MMP26: variants seen among roughly 807,000 people sequenced by gnomAD.
MMP26 encodes matrix metalloproteinase-26.
In MMP26, 33 loss-of-function variants were observed where a neutral mutation model predicts 31.0. That is an observed-to-expected ratio of 1.06 (90% confidence interval 0.81 to 1.42). MMP26 has a LOEUF of 1.42. Among genes scored for constraint, MMP26 ranks in the 40% most tolerant of loss-of-function variants. MMP26 has a pLI of 0.00. For synonymous variants in MMP26, 122 were observed against 114.9 expected (o/e 1.06, Z -0.40); for missense variants, 347 against 316.1 (o/e 1.10, Z -0.74).
chr11:4,805,529 T>C (rs1483355402), intron 2 of MMP26, among the ~76,000 whole-genome samples: 1 of 152,198 alleles, frequency 6.6e-6, no homozygotes, highest in Non-Finnish European at 1.5e-5. Context: ...TTCCAGGCTA[T>C]AGTTTGCCAA....
At chr11:4,825,162 A>T (rs1849563424) in intron 2 of MMP26, among the ~76,000 whole-genome samples, 1 of 152,146 alleles carries the variant, frequency 6.6e-6, no homozygotes, top group Non-Finnish European at 1.5e-5. Context: ...AGACAGTAAT[A>T]AATGAATTAT....
chr11:4,828,972 C>T (rs1029485810), intron 2 of MMP26, among the ~76,000 whole-genome samples: 4 of 152,186 alleles, frequency 2.6e-5, no homozygotes, highest in East Asian at 1.9e-4. Context: ...CCCATCTGCC[C>T]GGGAGTTTCA....
intron 1 of MMP26, among the ~76,000 whole-genome samples, chr11:4,705,652 A>G (rs1212676041): frequency 6.6e-6 from 1 of 152,194 alleles, no homozygotes; most frequent in African/African-American, 2.4e-5. Flanking sequence ...GTTTTAGCGC[A>G]GGACAACTCA....
intron 2 of MMP26, chr11:4,795,067 G>A (rs1157593344): frequency 6.6e-6 from 1 of 152,164 alleles, no homozygotes; most frequent in Admixed American, 6.5e-5. Flanking sequence ...TATGGGCTTA[G>A]AACCAATAAA....
At chr11:4,901,929 G>C (rs754872817) in intron 2 of MMP26, among the ~76,000 whole-genome samples, 1 of 152,184 alleles carries the variant, frequency 6.6e-6, no homozygotes, top group African/African-American at 2.4e-5. Context: ...AGATGGAAGA[G>C]AATATATTTG....
intron 2 of MMP26, among the ~76,000 whole-genome samples, chr11:4,833,718 G>A (rs1159014624): frequency 6.6e-6 from 1 of 152,136 alleles, no homozygotes; most frequent in Non-Finnish European, 1.5e-5. Flanking sequence ...TGGGTGATGT[G>A]AAAGGGAAAC....
At chr11:4,725,019 C>T (rs556493808) in intron 1 of MMP26, among the ~76,000 whole-genome samples, 1 of 152,216 alleles carries the variant, frequency 6.6e-6, no homozygotes, top group Admixed American at 6.5e-5. Flanking sequence ...CACCATCCCT[C>T]TTGGTGCTGT....
intron 2 of MMP26, chr11:4,860,330 T>C: frequency 2.1e-6 from 1 of 471,210 alleles, no homozygotes; most frequent in East Asian, 7.0e-5. Context: ...GAGGGCAAGG[T>C]GGACATGGAG....
chr11:4,843,579 A>G (rs1849825772), intron 2 of MMP26, among the ~76,000 whole-genome samples: 1 of 152,202 alleles, frequency 6.6e-6, no homozygotes. Flanking sequence ...TGCATAGATC[A>G]ATGGGGCCCT....
At chr11:4,723,078 G>C in intron 1 of MMP26, 1 of 1,321,678 alleles carries the variant, frequency 7.6e-7, no homozygotes, top group African/African-American at 1.4e-5. Context: ...CCATGCAGCT[G>C]TCACGGCATG....
chr11:4,744,616 C>T (rs1224012039), intron 1 of MMP26, among the ~76,000 whole-genome samples: 1 of 152,066 alleles, frequency 6.6e-6, no homozygotes, highest in African/African-American at 2.4e-5. Context: ...TTTACCTCGC[C>T]CCACAAAAAA....
At chr11:4,878,765 C>G (rs1047461432) in intron 2 of MMP26, among the ~76,000 whole-genome samples, 5 of 152,104 alleles carry the variant, frequency 3.3e-5, no homozygotes, top group African/African-American at 1.2e-4. Context: ...TTTTCAGTCA[C>G]TCATCTTCAC....
At chr11:4,726,425 G>A (rs551943626) in intron 1 of MMP26, among the ~76,000 whole-genome samples, 172 of 151,824 alleles carry the variant, frequency 1.1e-3, no homozygotes, top group Admixed American at 2.3e-3. Flanking sequence ...TCACGCCACC[G>A]CACTCCAGCC....
chr11:4,980,783 T>G (rs201583593), intron 2 of MMP26, among the ~76,000 whole-genome samples: 1 of 123,898 alleles, frequency 8.1e-6, no homozygotes, highest in Admixed American at 8.6e-5. Context: ...TTGAAGGAAG[T>G]ATTTGTGGAC....
rs147819477 is a variant in MMP26 at position 4,908,055 on chromosome 11, C to A, written c.-144-80013C>A. On this transcript the variant is annotated intron_variant, in intron 2 of 7. Coordinates refer to ENST00000380390, the MANE Select transcript of MMP26 (RefSeq NM_021801.5). The stretch of plus-strand genomic sequence containing the variant: ...TTGAAGACTATACTCAGCATTGCAT[C>A]TTTGGCAGAGAGGCTTAAGGCCCTA... The A allele has an allele frequency of 1.5e-4, 240 of 1,614,148 alleles. No individual in the cohort carries two copies. The African/African-American group carries it at 2.6e-3, about 17-fold the overall frequency.
chr11:4,957,646 C>A (rs1351501674), intron 2 of MMP26, among the ~76,000 whole-genome samples: 1 of 152,012 alleles, frequency 6.6e-6, no homozygotes, highest in Non-Finnish European at 1.5e-5. Flanking sequence ...GCCTGTTAAA[C>A]TCACACTATG....
intron 2 of MMP26, among the ~76,000 whole-genome samples, chr11:4,813,612 GA>G (rs111550998): frequency 0.058 from 8,839 of 151,964 alleles, 376 homozygotes; most frequent in African/African-American, 0.11. Context: ...AAATCAGTAT[GA>G]AAAAAACAAA....
chr11:4,892,949 C>G (rs1176175173), intron 2 of MMP26, among the ~76,000 whole-genome samples: 1 of 152,030 alleles, frequency 6.6e-6, no homozygotes, highest in African/African-American at 2.4e-5. Flanking sequence ...TTTATGTTTT[C>G]TTCTGCTAAC....
intron 2 of MMP26, among the ~76,000 whole-genome samples, chr11:4,843,558 T>C (rs1564792186): frequency 6.6e-6 from 1 of 152,232 alleles, no homozygotes; most frequent in African/African-American, 2.4e-5. Context: ...CAGGGTGCCA[T>C]GTCTCAAGGA....
Sources: allele counts gnomAD v4.1 joint callset (sites outside exome capture counted in the v4.1 genomes callset), GRCh38; gene constraint gnomAD v4.1.1; transcripts MANE v1.5; gene names NCBI Gene and HGNC (gene_info 2026-07-23, HGNC 2026-07-21).